Variants in LRRC7 observed in about 807,000 individuals in gnomAD.
LRRC7 encodes the protein leucine rich repeat containing 7.
A neutral mutation model predicts 175.7 loss-of-function variants in LRRC7; 23 were observed. That is an observed-to-expected ratio of 0.13 (90% CI 0.09 to 0.19). The LOEUF is 0.19. LRRC7 is among the 10% of genes least tolerant of loss of function. LRRC7 has a pLI of 1.00. For missense variants in LRRC7, 1,354 were observed against 1,904.7 expected (o/e 0.71, Z 5.38); for synonymous variants, 685 against 680.9 (o/e 1.01, Z -0.09).
chr1:69,649,849 A>T (rs1655529093), intron 1 of LRRC7, among the ~76,000 whole-genome samples: 3 of 132,170 alleles, frequency 2.3e-5, no homozygotes, highest in African/African-American at 8.6e-5. Flanking sequence ...AATCAAAGTG[A>T]TTGAAAAAAA....
intron 1 of LRRC7, among the ~76,000 whole-genome samples, chr1:69,574,908 TAAATC>T (rs1245479257): frequency 6.6e-6 from 1 of 152,192 alleles, no homozygotes; most frequent in African/African-American, 2.4e-5. Context: ...CTATTGTAAT[TAAATC>T]AAATACCTAG....
At chr1:69,936,334 C>T (rs963467787) in intron 8 of LRRC7, among the ~76,000 whole-genome samples, 2 of 151,976 alleles carry the variant, frequency 1.3e-5, no homozygotes, top group Non-Finnish European at 2.9e-5. Context: ...TTTATTGGAA[C>T]GATAATAAAG....
intron 7 of LRRC7, chr1:69,919,285 T>C: frequency 1.9e-6 from 1 of 519,530 alleles, no homozygotes; most frequent in Middle Eastern, 5.3e-4. Context: ...ATTTGCTAGA[T>C]ACATTAGCAA....
intron 7 of LRRC7, among the ~76,000 whole-genome samples, chr1:69,864,259 G>A (rs1417024150): frequency 5.9e-5 from 9 of 152,158 alleles, no homozygotes; most frequent in Non-Finnish European, 1.2e-4. Flanking sequence ...GGGACTCACA[G>A]ATAGAAATAT....
intron 8 of LRRC7, among the ~76,000 whole-genome samples, chr1:69,964,784 T>C (rs1407362618): frequency 6.6e-6 from 1 of 152,204 alleles, no homozygotes; most frequent in Non-Finnish European, 1.5e-5. Context: ...AGCTCCACTT[T>C]CTTAAAACAA....
Position 70,038,105 on chromosome 1 carries a change from GT to G in LRRC7, c.2289-6del. The G allele has an allele frequency of 6.3e-6, 10 of 1,591,072 alleles. No homozygotes were observed. The highest frequency in any genetic ancestry group is 8.5e-6 in the Non-Finnish European group (10 of 1,169,656). On this transcript the variant is annotated splice_polypyrimidine_tract_variant and splice_region_variant and intron_variant, in intron 20 of 26. Transcript: ENST00000651989. ...CTTTTCAATTTCTTCTTCCCATTGT[GT>G]TCACAGGATTGCACCATCTTTCCCA...
chr1:69,691,832 G>C (rs1441924098), intron 2 of LRRC7, among the ~76,000 whole-genome samples: 1 of 131,972 alleles, frequency 7.6e-6, no homozygotes, highest in African/African-American at 2.8e-5. Context: ...GAAAAGAAAA[G>C]AAGCAACTTG....
chr1:69,709,371 C>G (rs1338234055), intron 2 of LRRC7, among the ~76,000 whole-genome samples: 1 of 152,138 alleles, frequency 6.6e-6, no homozygotes, highest in Non-Finnish European at 1.5e-5. Flanking sequence ...GTTCACCCAT[C>G]ATTAACCAAA....
At position 70,015,090 on chromosome 1, in the gene LRRC7, A is replaced by G. The variant is rs78061449; in HGVS notation, c.1251-1375A>G. Among the ~76,000 whole-genome samples, 1,133 of 152,198 alleles carry G rather than the reference A, an allele frequency of 7.4e-3. 11 individuals carry two copies. The highest frequency in any genetic ancestry group is 0.025 in the African/African-American group (1,042 of 41,544). ...TTTCTGGCTTAAGTGAATTGAAATA[A>G]CTTTTAGTTAGGAATAACTTTTAGG... On this transcript the variant is annotated intron_variant, in intron 13 of 26. Coordinates refer to ENST00000651989, the MANE Select transcript of LRRC7 (RefSeq NM_001370785.2).
rs1163036214 is a variant in LRRC7 at position 69,654,196 on chromosome 1, G to A, written c.3-24185G>A. Among the ~76,000 whole-genome samples, 3 of 150,860 alleles carry A rather than the reference G, an allele frequency of 2.0e-5. No homozygotes were observed. The East Asian group carries it at 5.8e-4, about 29-fold the overall frequency. ...ACTAAGCACCTTACATTTATGTTAG[G>A]AACAAAATGAAAATATCAAAGTGTG... On this transcript the variant is annotated intron_variant, in intron 1 of 26. Transcript: ENST00000651989.
chr1:69,893,898 C>T (rs990470353), intron 7 of LRRC7, among the ~76,000 whole-genome samples: 3 of 151,858 alleles, frequency 2.0e-5, no homozygotes, highest in Non-Finnish European at 2.9e-5. Flanking sequence ...TGTGCAAAAG[C>T]GGGGAGATGA....
At chr1:70,045,473 T>C (rs1457040488) in intron 22 of LRRC7, among the ~76,000 whole-genome samples, 2 of 152,280 alleles carry the variant, frequency 1.3e-5, no homozygotes, top group South Asian at 2.1e-4. Flanking sequence ...GTTCCTACTT[T>C]AATGAAACCT....
chr1:69,605,576 A>G (rs954691038), intron 1 of LRRC7, among the ~76,000 whole-genome samples: 3 of 152,160 alleles, frequency 2.0e-5, no homozygotes, highest in Non-Finnish European at 4.4e-5. Flanking sequence ...GGGACATGCA[A>G]TGTATATATG....
intron 3 of LRRC7, among the ~76,000 whole-genome samples, chr1:69,775,185 G>A (rs752476681): frequency 3.3e-5 from 5 of 152,064 alleles, no homozygotes; most frequent in African/African-American, 4.8e-5. Flanking sequence ...TGTCCAGGGC[G>A]CAAGTATATT....
intron 8 of LRRC7, among the ~76,000 whole-genome samples, chr1:69,943,154 A>G (rs1470628126): frequency 1.3e-5 from 2 of 152,188 alleles, no homozygotes; most frequent in African/African-American, 4.8e-5. Flanking sequence ...ATACATGAAT[A>G]TGCAAACCAA....
At chr1:69,722,115 T>A (rs1156747278) in intron 2 of LRRC7, among the ~76,000 whole-genome samples, 3 of 149,090 alleles carry the variant, frequency 2.0e-5, no homozygotes, top group Non-Finnish European at 4.5e-5. Flanking sequence ...GAAATAGTTT[T>A]CACATATGTA....
At position 69,655,162 on chromosome 1, in the gene LRRC7, A is replaced by G. The variant is rs185211227; in HGVS notation, c.3-23219A>G. The stretch of plus-strand genomic sequence containing the variant: ...CCATAAATATTTAATGAAGTTAAAT[A>G]AAAGAGTTCACAAACCTTACAGGTA... On this transcript the variant is annotated intron_variant, in intron 1 of 26. Transcript: ENST00000651989. Among the ~76,000 whole-genome samples, 32 of 152,262 alleles carry G rather than the reference A, an allele frequency of 2.1e-4. No individual in the cohort carries two copies. The East Asian group carries it at 3.5e-3, about 17-fold the overall frequency.
At position 69,650,539 on chromosome 1, in the gene LRRC7, C is replaced by CAAAAAAAAAAAAAAAA. The variant is rs574357981; in HGVS notation, c.3-27827_3-27826insAAAAAAAAAAAAAAAA. Among the ~76,000 whole-genome samples, 176 of 79,154 alleles carry CAAAAAAAAAAAAAAAA rather than the reference C, an allele frequency of 2.2e-3. 13 individuals are homozygous for CAAAAAAAAAAAAAAAA. Among genetic ancestry groups the CAAAAAAAAAAAAAAAA allele is most frequent in the African/African-American group, 9.0e-3 (171 of 18,972 alleles). The allele number at this position is 79,154 out of a possible 152,430, so 51.9% of individuals were successfully genotyped here. A position where few individuals can be genotyped will look rare whatever the true frequency, so the allele number is the denominator to read the frequency against. ...TGGGCGAAAAAGAGAGACTCCGTCT[C>CAAAAAAAAAAAAAAAA]AAAAAAAAAAAAAAATGCCAAGCAT... On this transcript the variant is annotated intron_variant, in intron 1 of 26. Coordinates refer to ENST00000651989, the MANE Select transcript of LRRC7 (RefSeq NM_001370785.2).
intron 1 of LRRC7, among the ~76,000 whole-genome samples, chr1:69,661,263 A>C (rs1437521053): frequency 6.6e-6 from 1 of 152,150 alleles, no homozygotes; most frequent in Non-Finnish European, 1.5e-5. Context: ...ATCGCAAATA[A>C]AAATTTAATT....
Sources: allele counts gnomAD v4.1 joint callset (sites outside exome capture counted in the v4.1 genomes callset), GRCh38; gene constraint gnomAD v4.1.1; transcripts MANE v1.5; gene names NCBI Gene and HGNC (gene_info 2026-07-23, HGNC 2026-07-21).